ANKRD11: variants seen among roughly 807,000 people sequenced by gnomAD.
ANKRD11 encodes ankyrin repeat domain 11.
In ANKRD11, 17 loss-of-function variants were observed where a neutral mutation model predicts 195.7. The observed-to-expected ratio is 0.09, with a 90% CI of 0.06 to 0.13. The LOEUF is 0.13. ANKRD11 is among the 10% of genes least tolerant of loss of function. The probability of loss-of-function intolerance (pLI) is 1.00; values close to 1 mark genes in which losing one functional copy is unlikely to be tolerated. For missense variants in ANKRD11, 3,735 were observed against 3,566.1 expected, an observed-to-expected ratio of 1.05 and a Z score of -1.21; for synonymous variants, 1,953 against 1,528.1, an observed-to-expected ratio of 1.28 and a Z score of -6.49.
intron 1 of ANKRD11, among the ~76,000 whole-genome samples, chr16:89,441,563 G>C (rs71396916): frequency 0.19 from 28,145 of 151,762 alleles, 3,245 homozygotes; most frequent in Non-Finnish European, 0.26. Flanking sequence ...GTCAGCAGAT[G>C]GAGACCATCC....
At chr16:89,469,864 C>T (rs1171596988) in intron 1 of ANKRD11, among the ~76,000 whole-genome samples, 2 of 149,876 alleles carry the variant, frequency 1.3e-5, no homozygotes, top group Non-Finnish European at 3.0e-5. Flanking sequence ...CGCCCGGAGA[C>T]AGAGTGAGGC....
chr16:89,433,523 G>T (rs1376517116), intron 1 of ANKRD11, among the ~76,000 whole-genome samples: 2 of 152,214 alleles, frequency 1.3e-5, no homozygotes, highest in Admixed American at 6.5e-5. Flanking sequence ...ACACTAAAAG[G>T]CCTCCCTAAA....
rs1310676910 is a variant in ANKRD11 at position 89,283,917 on chromosome 16, C to G, written c.2625G>C (p.Lys875Asn). ...CCTCCTTCACCGTCTCCAAGATGAG[C>G]TTGGCCACAGAGTCGCTCTTCATGT... ...YRDMKSDSVA[K>N]LILETVKEDS... The change falls in exon 9 of 13, where the codon AAG (lysine) becomes AAC (asparagine). Residue 875 changes from lysine (K) to asparagine (N), a missense_variant. Lys to Asn is a moderately conservative substitution (Grantham distance 94). Coordinates refer to ENST00000301030, the MANE Select transcript of ANKRD11 (RefSeq NM_013275.6). The surrounding 1 kb of genome is among the most constrained non-coding windows in gnomAD (Gnocchi z 4.3). 3.1e-6 allele frequency: 5 copies of G among 1,614,192 alleles called. No homozygotes were observed. The highest frequency in any genetic ancestry group is 4.2e-6 in the Non-Finnish European group (5 of 1,180,046).
chr16:89,488,006 T>C (rs1015225339), intron 1 of ANKRD11, among the ~76,000 whole-genome samples: 5 of 152,066 alleles, frequency 3.3e-5, no homozygotes, highest in African/African-American at 9.7e-5. Flanking sequence ...GAAAAGCATC[T>C]GGCGGTGGCA....
Position 89,293,300 on chromosome 16 carries a change from C to G in ANKRD11, c.227-2117G>C, listed in dbSNP as rs982101447. Among the ~76,000 whole-genome samples the G allele has an allele frequency of 2.0e-5, 3 of 152,180 alleles. No homozygotes were observed. The East Asian group carries it at 5.8e-4, about 29-fold the overall frequency. On this transcript the variant is annotated intron_variant, in intron 4 of 12. Coordinates refer to ENST00000301030, the MANE Select transcript of ANKRD11 (RefSeq NM_013275.6). The stretch of plus-strand genomic sequence containing the variant: ...ACAGGAGACTCCTGGGAGCAGACGG[C>G]ATCTCCTTATTCCATTGACCATCAG...
Position 89,282,993 on chromosome 16 carries a change from G to A in ANKRD11, c.3549C>T (p.Asp1183=), listed in dbSNP as rs1221937107. The A allele has an allele frequency of 1.9e-6, 3 of 1,613,598 alleles. No individual in the cohort carries two copies. In the Admixed American group the frequency reaches 5.0e-5, roughly 27 times the overall value. ...PERQKDKEPR[D]RRKDRGAADA... is the part of the protein sequence containing the mutation. Reference sequence around the variant, plus strand: ...CGGCAGCCCCTCGGTCCTTTCTCCTGTCTCTGGGCTCCTTGTCCTTCTGCC... The same window carrying A: ...CGGCAGCCCCTCGGTCCTTTCTCCTATCTCTGGGCTCCTTGTCCTTCTGCC... The change falls in exon 9 of 13, where the codon GAC becomes GAT. Residue 1183 remains aspartate, a synonymous_variant. Transcript: ENST00000301030.
chr16:89,311,538 A>G (rs2036606935), intron 3 of ANKRD11, among the ~76,000 whole-genome samples: 1 of 152,218 alleles, frequency 6.6e-6, no homozygotes, highest in Non-Finnish European at 1.5e-5. Context: ...CATACAAAAC[A>G]TGAAAATCTA....
intron 7 of ANKRD11, chr16:89,288,135 T>A: frequency 1.7e-6 from 1 of 601,294 alleles, no homozygotes; most frequent in South Asian, 2.0e-5. Flanking sequence ...CCACACCTCT[T>A]GGTGTTACCT....
rs183502798 is a variant in ANKRD11, at chr16:89,309,889, G to A, written c.88-4545C>T. On this transcript the variant is annotated intron_variant, in intron 3 of 12. Transcript: ENST00000301030. ...GGACCACCAGATAGTGACAGCCATG[G>A]CACAATGACCCTGCCGGGCCCCACC... Among the ~76,000 whole-genome samples the A allele has an allele frequency of 1.3e-3, 199 of 152,302 alleles. 1 individual carries two copies. The highest frequency in any genetic ancestry group is 6.8e-3 in the Middle Eastern group (2 of 294).
chr16:89,351,587 TTCTC>T (rs2039221651), intron 2 of ANKRD11, among the ~76,000 whole-genome samples: 1 of 152,228 alleles, frequency 6.6e-6, no homozygotes, highest in South Asian at 2.1e-4. Context: ...GAGACGAAGC[TTCTC>T]TCTGTGTTTG....
intron 1 of ANKRD11, among the ~76,000 whole-genome samples, chr16:89,464,605 C>T (rs1170821087): frequency 2.4e-5 from 2 of 82,322 alleles, no homozygotes; most frequent in Admixed American, 3.2e-4. Flanking sequence ...GAGACTCCAT[C>T]TTAAAAAAAA....
At chr16:89,449,123 G>T (rs755216747) in intron 1 of ANKRD11, among the ~76,000 whole-genome samples, 2 of 151,694 alleles carry the variant, frequency 1.3e-5, no homozygotes, top group East Asian at 1.9e-4. Flanking sequence ...GGCTGAGGCC[G>T]GAGGATTGCT....
intron 2 of ANKRD11, among the ~76,000 whole-genome samples, chr16:89,367,606 T>C (rs985593034): frequency 4.6e-5 from 7 of 152,112 alleles, no homozygotes; most frequent in Non-Finnish European, 8.8e-5. Context: ...CAAGTCCACA[T>C]TGCTTGGGGG....
At chr16:89,354,549 C>T (rs1436838469) in intron 2 of ANKRD11, among the ~76,000 whole-genome samples, 2 of 152,174 alleles carry the variant, frequency 1.3e-5, no homozygotes, top group Non-Finnish European at 2.9e-5. Flanking sequence ...GGCTGGAATA[C>T]TCAAGAGATT....
chr16:89,379,313 A>T (rs1467370224), intron 2 of ANKRD11, among the ~76,000 whole-genome samples: 2 of 152,226 alleles, frequency 1.3e-5, no homozygotes, highest in African/African-American at 4.8e-5. Flanking sequence ...CCTAAGTGGA[A>T]CAACAATTTT....
At chr16:89,271,116 G>C in intron 11 of ANKRD11, 1 of 621,828 alleles carries the variant, frequency 1.6e-6, no homozygotes, top group Admixed American at 2.2e-5. Context: ...AATGCGCGTG[G>C]AGGCAGCTGG....
At chr16:89,469,763 G>C (rs1011932384) in intron 1 of ANKRD11, among the ~76,000 whole-genome samples, 5 of 149,594 alleles carry the variant, frequency 3.3e-5, no homozygotes, top group Non-Finnish European at 7.4e-5. Context: ...GCTGGGCGTG[G>C]TGGCGGGCGC....
At chr16:89,350,907 T>C (rs1188042321) in intron 2 of ANKRD11, among the ~76,000 whole-genome samples, 1 of 152,174 alleles carries the variant, frequency 6.6e-6, no homozygotes, top group African/African-American at 2.4e-5. Flanking sequence ...ACGATTTCTT[T>C]CCACGATTCA....
intron 1 of ANKRD11, among the ~76,000 whole-genome samples, chr16:89,437,490 C>T (rs2043264202): frequency 6.6e-6 from 1 of 152,126 alleles, no homozygotes; most frequent in Non-Finnish European, 1.5e-5. Context: ...CTCCCACTCT[C>T]TCACTGAGCA....
Sources: allele counts gnomAD v4.1 joint callset (sites outside exome capture counted in the v4.1 genomes callset), GRCh38; gene constraint gnomAD v4.1.1; non-coding constraint Gnocchi (gnomAD v3.1); transcripts MANE v1.5; gene names NCBI Gene and HGNC (gene_info 2026-07-23, HGNC 2026-07-21).